Variants in EPM2A observed in about 807,000 individuals in gnomAD.
EPM2A encodes EPM2A glucan phosphatase, laforin, also known as laforin.
Under a neutral mutation model 26.5 loss-of-function variants are expected in EPM2A, and 21 were observed. The observed-to-expected ratio is 0.79, with a 90% CI of 0.56 to 1.14. The LOEUF is 1.14. Ranked by LOEUF, EPM2A falls within the 50% of genes most tolerant of loss-of-function variation. EPM2A has a pLI of 0.00. For synonymous variants in EPM2A, 217 were observed against 177.6 expected (o/e 1.22, Z -1.76); for missense variants, 458 against 440.8 (o/e 1.04, Z -0.35).
At chr6:145,567,936 A>G (rs914649837) in intron 2 of EPM2A, among the ~76,000 whole-genome samples, 1 of 152,192 alleles carries the variant, frequency 6.6e-6, no homozygotes, top group Admixed American at 6.5e-5. Flanking sequence ...TTCCTCCAGT[A>G]CAGGCTGAGT....
intron 2 of EPM2A, among the ~76,000 whole-genome samples, chr6:145,503,223 G>C (rs1779920245): frequency 6.6e-6 from 1 of 152,018 alleles, no homozygotes; most frequent in Non-Finnish European, 1.5e-5. Context: ...ATTTTTTATT[G>C]TGTTGGAAGT....
At position 145,531,101 on chromosome 6, in the gene EPM2A, T is replaced by C. The variant is rs141512264; in HGVS notation, c.341-28526A>G. ...TGGGAAAAATTTTAAGATGAAGTTATAGGATATAAACACAAATCTTCTTGG... is the reference window on the plus strand; with the variant it reads ...TGGGAAAAATTTTAAGATGAAGTTACAGGATATAAACACAAATCTTCTTGG... On this transcript the variant is annotated intron_variant, in intron 2 of 3. Transcript: ENST00000450221. Among the ~76,000 whole-genome samples the C allele has an allele frequency of 7.7e-3, 1,168 of 152,296 alleles. 16 individuals carry two copies. The highest frequency in any genetic ancestry group is 0.027 in the African/African-American group (1,112 of 41,566).
At position 145,490,146 on chromosome 6, in the gene EPM2A, T is replaced by C. The variant is rs139289751; in HGVS notation, c.555+12376A>G. 4.6e-3 allele frequency: 5,056 copies of C among 1,096,914 alleles called. 17 individuals carry two copies. The highest frequency in any genetic ancestry group is 6.3e-3 in the Middle Eastern group (30 of 4,768). The allele number at this position is 1,096,914 out of a possible 1,614,324, so 67.9% of individuals were successfully genotyped here. ...ATGTCACAGGTTCAGTTTGCACACGTTTCTACTGAAAGAACTTCTTCCATT... is the reference window on the plus strand; with the variant it reads ...ATGTCACAGGTTCAGTTTGCACACGCTTCTACTGAAAGAACTTCTTCCATT... On this transcript the variant is annotated intron_variant, in intron 4 of 4. Coordinates refer to the EPM2A transcript ENST00000638717.
At chr6:145,666,873 A>G (rs1779242907) in intron 2 of EPM2A, among the ~76,000 whole-genome samples, 1 of 148,224 alleles carries the variant, frequency 6.7e-6, no homozygotes, top group Admixed American at 6.6e-5. Flanking sequence ...ACCTACAACT[A>G]TCTGATCTTT....
rs550202813 is a variant in EPM2A at position 145,719,246 on chromosome 6, G to C, written c.301+15952C>G. ...CCAAATGTCCAACAATGATAGACTG[G>C]ATTAAGAAAATGTGGCACATATACA... On this transcript the variant is annotated intron_variant, in intron 1 of 3. Coordinates refer to ENST00000367519, the MANE Select transcript of EPM2A (RefSeq NM_005670.4). Among the ~76,000 whole-genome samples, 621 of 149,194 alleles carry C rather than the reference G, an allele frequency of 4.2e-3. 5 individuals carry two copies. Among genetic ancestry groups the C allele is most frequent in the Middle Eastern group, 0.021 (6 of 288 alleles).
intron 2 of EPM2A, among the ~76,000 whole-genome samples, chr6:145,522,394 TC>T (rs1362316239): frequency 6.6e-6 from 1 of 152,068 alleles, no homozygotes; most frequent in Non-Finnish European, 1.5e-5. Context: ...CCCTAACCAT[TC>T]CCCCTCCATC....
At chr6:145,640,570 T>A (rs1490443109) in intron 2 of EPM2A, 1 of 152,118 alleles carries the variant, frequency 6.6e-6, no homozygotes, top group Non-Finnish European at 1.5e-5. Flanking sequence ...GCTAAGAATT[T>A]AAAAGGAAAG....
At chr6:145,731,574 T>C (rs1490251747) in intron 1 of EPM2A, among the ~76,000 whole-genome samples, 1 of 151,834 alleles carries the variant, frequency 6.6e-6, no homozygotes, top group African/African-American at 2.4e-5. Context: ...GAGTTGAACA[T>C]AGAGAACACA....
intron 2 of EPM2A, among the ~76,000 whole-genome samples, chr6:145,504,042 T>C (rs1246667332): frequency 4.7e-5 from 6 of 128,812 alleles, no homozygotes; most frequent in South Asian, 3.0e-4. Flanking sequence ...GCTAGCCATA[T>C]GTAGAAAGCT....
At chr6:145,462,965 C>T (rs555631133) in intron 4 of EPM2A, among the ~76,000 whole-genome samples, 22 of 152,230 alleles carry the variant, frequency 1.4e-4, no homozygotes, top group African/African-American at 4.8e-4. Context: ...CATTTGCTCA[C>T]GCTTCTAGTT....
intron 1 of EPM2A, among the ~76,000 whole-genome samples, chr6:145,694,946 C>T (rs1781487926): frequency 1.3e-5 from 2 of 151,990 alleles, no homozygotes; most frequent in South Asian, 4.2e-4. Context: ...AGAAAACATA[C>T]CACTAATTAA....
At chr6:145,519,117 T>G (rs1276877835) in intron 2 of EPM2A, among the ~76,000 whole-genome samples, 1 of 152,232 alleles carries the variant, frequency 6.6e-6, no homozygotes, top group African/African-American at 2.4e-5. Context: ...ATAAATGTCA[T>G]AAGGTGAAGA....
intron 2 of EPM2A, among the ~76,000 whole-genome samples, chr6:145,683,403 C>T (rs1780692764): frequency 1.3e-5 from 2 of 148,720 alleles, no homozygotes; most frequent in Non-Finnish European, 3.0e-5. Flanking sequence ...AGTATACATA[C>T]ATTTTAATAT....
intron 4 of EPM2A, among the ~76,000 whole-genome samples, chr6:145,397,356 G>C (rs1407080892): frequency 6.6e-6 from 1 of 152,154 alleles, no homozygotes. Flanking sequence ...CAGGAGAACT[G>C]CTTGAGCCCA....
At chr6:145,458,490 C>CA (rs1779289306) in intron 4 of EPM2A, among the ~76,000 whole-genome samples, 1 of 152,094 alleles carries the variant, frequency 6.6e-6, no homozygotes, top group Non-Finnish European at 1.5e-5. Context: ...ATTTATCTCT[C>CA]GAGGCATTAG....
chr6:145,638,571 A>G (rs1366548275), intron 2 of EPM2A: 1 of 152,238 alleles, frequency 6.6e-6, no homozygotes, highest in Non-Finnish European at 1.5e-5. Flanking sequence ...GTCAGAGTCC[A>G]TATTTAAGAA....
At chr6:145,659,242 C>T (rs1358772175) in intron 2 of EPM2A, among the ~76,000 whole-genome samples, 4 of 152,076 alleles carry the variant, frequency 2.6e-5, no homozygotes, top group African/African-American at 9.7e-5. Flanking sequence ...TGGGAGGATT[C>T]ACGTAAACTA....
At chr6:145,434,047 C>CT (rs893849149) in intron 4 of EPM2A, among the ~76,000 whole-genome samples, 1 of 151,818 alleles carries the variant, frequency 6.6e-6, no homozygotes, top group Non-Finnish European at 1.5e-5. Context: ...ATTTTACCCT[C>CT]TTTTTTTGTG....
intron 4 of EPM2A, among the ~76,000 whole-genome samples, chr6:145,451,000 A>G (rs150353905): frequency 5.8e-4 from 88 of 152,154 alleles, no homozygotes; most frequent in Non-Finnish European, 9.1e-4. Context: ...GTTCCTCTGG[A>G]TTAGGTGTTT....
Sources: gnomAD v4.1 joint callset for allele counts (sites outside exome capture counted in the v4.1 genomes callset) on GRCh38, gnomAD v4.1.1 for gene constraint, MANE v1.5 for transcripts, NCBI Gene and HGNC (gene_info 2026-07-23, HGNC 2026-07-21) for gene names.